Variants in PCDH15 observed in about 807,000 individuals in gnomAD.
PCDH15 encodes the protein protocadherin related 15, also known as protocadherin-15.
Under a neutral mutation model 178.5 loss-of-function variants are expected in PCDH15, and 129 were observed. The ratio of observed to expected loss-of-function variants is 0.72; its 90% CI spans 0.63 to 0.84. The LOEUF (loss-of-function observed/expected upper bound fraction) is 0.84. Ranked by LOEUF, PCDH15 falls within the 40% of genes least tolerant of loss-of-function variation. The pLI is 0.00. For synonymous variants in PCDH15, 800 were observed against 732.0 expected (o/e 1.09, Z -1.50); for missense variants, 2,230 against 2,099.9 (o/e 1.06, Z -1.21).
intron 2 of PCDH15, among the ~76,000 whole-genome samples, chr10:55,464,668 G>A (rs528251280): frequency 8.7e-4 from 127 of 145,938 alleles, no homozygotes; most frequent in Middle Eastern, 3.7e-3. Context: ...GTGTGTGTGT[G>A]TATATATATA....
intron 2 of PCDH15, among the ~76,000 whole-genome samples, chr10:55,391,859 A>G (rs2132014473): frequency 6.6e-6 from 1 of 152,314 alleles, no homozygotes; most frequent in African/African-American, 2.4e-5. Flanking sequence ...TTGGCCTAAG[A>G]GGCCTAGCTT....
chr10:55,463,667 T>C (rs1839727355), intron 2 of PCDH15, among the ~76,000 whole-genome samples: 1 of 151,862 alleles, frequency 6.6e-6, no homozygotes, highest in African/African-American at 2.4e-5. Flanking sequence ...GAGAAAGCCA[T>C]GCTACTAAAT....
chr10:54,802,978 A>G (rs1042390917), upstream of PCDH15, among the ~76,000 whole-genome samples: 1 of 152,190 alleles, frequency 6.6e-6, no homozygotes, highest in Non-Finnish European at 1.5e-5. Flanking sequence ...TACAATATCT[A>G]GTTTTCAGAA....
chr10:55,016,963 C>CAT (rs5785111), intron 2 of PCDH15, among the ~76,000 whole-genome samples: 1 of 14,416 alleles, frequency 6.9e-5, no homozygotes, highest in Non-Finnish European at 2.1e-4. Context: ...CAGTTACACT[C>CAT]ACACACACAC....
At chr10:55,193,477 A>C (rs1839999052) in intron 1 of PCDH15, among the ~76,000 whole-genome samples, 1 of 152,008 alleles carries the variant, frequency 6.6e-6, no homozygotes, top group Non-Finnish European at 1.5e-5. Context: ...AAAATGCTTT[A>C]CATTGATTTA....
chr10:55,350,270 C>CATATATAT lies in PCDH15; in HGVS notation c.-155-183620_-155-183619insATATATAT, dbSNP rs1844888493. 1.8e-4 allele frequency among the ~76,000 whole-genome samples: 6 copies of CATATATAT among 34,044 alleles called. No homozygotes were observed. The Admixed American group carries it at 1.9e-3, about 11-fold the overall frequency. 22.3% of individuals were successfully genotyped at this position (34,044 alleles called of 152,430 possible). On this transcript the variant is annotated intron_variant, in intron 2 of 5. Transcript: ENST00000613346. Reference sequence around the variant, plus strand: ...ATATATATATATATATATATATATACACACACACACACACACATACATACA... The same window carrying CATATATAT: ...ATATATATATATATATATATATATACATATATATACACACACACACACACATACATACA...
chr10:54,311,270 A>T (rs1182137290), intron 8 of PCDH15, among the ~76,000 whole-genome samples: 2 of 152,096 alleles, frequency 1.3e-5, no homozygotes, highest in African/African-American at 4.8e-5. Flanking sequence ...AAACGCATAG[A>T]AAATACGTTA....
intron 1 of PCDH15, among the ~76,000 whole-genome samples, chr10:55,313,860 C>A (rs1400487204): frequency 6.6e-6 from 1 of 151,854 alleles, no homozygotes; most frequent in East Asian, 1.9e-4. Flanking sequence ...AATGTGTATA[C>A]CTATAAAAAT....
At chr10:55,156,004 C>A (rs1303835082) in intron 2 of PCDH15, among the ~76,000 whole-genome samples, 2 of 152,050 alleles carry the variant, frequency 1.3e-5, no homozygotes, top group Non-Finnish European at 2.9e-5. Flanking sequence ...AGAAGACCTG[C>A]AAATGGATGG....
intron 2 of PCDH15, among the ~76,000 whole-genome samples, chr10:55,413,487 G>A (rs1272104661): frequency 1.3e-5 from 2 of 151,596 alleles, no homozygotes; most frequent in Non-Finnish European, 3.0e-5. Flanking sequence ...TACATTTAAA[G>A]GGAATAGACG....
At chr10:55,317,950 T>C (rs781280120) in intron 1 of PCDH15, among the ~76,000 whole-genome samples, 2 of 152,110 alleles carry the variant, frequency 1.3e-5, no homozygotes, top group Non-Finnish European at 1.5e-5. Flanking sequence ...AGAAAGAAGG[T>C]GGAGATCTGA....
chr10:55,567,062 G>A (rs1427809026), intron 2 of PCDH15, among the ~76,000 whole-genome samples: 5 of 151,930 alleles, frequency 3.3e-5, no homozygotes, highest in Non-Finnish European at 7.4e-5. Flanking sequence ...AAACATTGTG[G>A]TACTGGCATA....
At chr10:54,760,770 T>C (rs1220955694) in intron 1 of PCDH15, among the ~76,000 whole-genome samples, 5 of 152,134 alleles carry the variant, frequency 3.3e-5, no homozygotes, top group African/African-American at 1.2e-4. Context: ...GAGCATCATT[T>C]TCATGTATAT....
intron 1 of PCDH15, among the ~76,000 whole-genome samples, chr10:54,775,729 CA>C (rs1949617568): frequency 1.3e-5 from 2 of 152,016 alleles, no homozygotes; most frequent in South Asian, 4.1e-4. Flanking sequence ...ACTAAAAATA[CA>C]AAAAATTAGC....
At chr10:54,858,017 T>C (rs1002995531) in intron 3 of PCDH15, among the ~76,000 whole-genome samples, 1 of 152,166 alleles carries the variant, frequency 6.6e-6, no homozygotes, top group Non-Finnish European at 1.5e-5. Flanking sequence ...TTATGTTGCC[T>C]GTGCAATAGA....
intron 20 of PCDH15, among the ~76,000 whole-genome samples, chr10:54,019,981 C>T (rs535528193): frequency 1.8e-4 from 27 of 152,168 alleles, no homozygotes; most frequent in African/African-American, 6.0e-4. Context: ...CACATATTTA[C>T]TGCCTCTTTC....
chr10:55,497,671 G>A (rs570049875), intron 2 of PCDH15, among the ~76,000 whole-genome samples: 2 of 151,920 alleles, frequency 1.3e-5, no homozygotes, highest in East Asian at 2.0e-4. Flanking sequence ...ATAAAACAGT[G>A]TTTCTGAATG....
At chr10:54,058,698 CTT>C (rs58250372) in intron 18 of PCDH15, among the ~76,000 whole-genome samples, 87,770 of 133,126 alleles carry the variant, frequency 0.66, 26,400 homozygotes, top group Middle Eastern at 0.77. Flanking sequence ...TTCTTTCTTT[CTT>C]TTTTTTTTTT....
At chr10:55,221,740 A>G (rs968789762) in intron 1 of PCDH15, among the ~76,000 whole-genome samples, 2 of 152,136 alleles carry the variant, frequency 1.3e-5, no homozygotes, top group African/African-American at 4.8e-5. Flanking sequence ...GAAGTGTAGT[A>G]TATGTCAATA....
Sources: gnomAD v4.1 joint callset for allele counts (sites outside exome capture counted in the v4.1 genomes callset) on GRCh38, gnomAD v4.1.1 for gene constraint, MANE v1.5 for transcripts, NCBI Gene and HGNC (gene_info 2026-07-23, HGNC 2026-07-21) for gene names.